PPARGC1A: variants seen among roughly 807,000 people sequenced by gnomAD.
PPARGC1A encodes the protein PPARG coactivator 1 alpha, also known as peroxisome proliferator-activated receptor gamma coactivator 1-alpha.
Under a neutral mutation model 88.7 loss-of-function variants are expected in PPARGC1A, and 25 were observed. The ratio of observed to expected loss-of-function variants is 0.28; its 90% CI spans 0.21 to 0.39. The LOEUF (loss-of-function observed/expected upper bound fraction) is 0.39. Among genes scored for constraint, PPARGC1A ranks in the 10% least tolerant of loss-of-function variants. The pLI is 1.00. For synonymous variants in PPARGC1A, 363 were observed against 355.6 expected (o/e 1.02, Z -0.24); for missense variants, 880 against 968.7 (o/e 0.91, Z 1.22).
chr4:24,152,588 A>G, the PPARGC1A span, among the ~76,000 whole-genome samples: 2 of 152,216 alleles, frequency 1.3e-5, no homozygotes, highest in Non-Finnish European at 2.9e-5. Flanking sequence ...AGCCTTTGTA[A>G]AATATTTGAA....
the PPARGC1A span, among the ~76,000 whole-genome samples, chr4:24,431,269 T>C: frequency 1.4e-4 from 22 of 152,088 alleles, 1 homozygote; most frequent in East Asian, 3.5e-3. Flanking sequence ...GATGGAAAGA[T>C]TGATGGGATG....
At chr4:24,208,407 G>A in the PPARGC1A span, among the ~76,000 whole-genome samples, 2 of 152,160 alleles carry the variant, frequency 1.3e-5, no homozygotes, top group East Asian at 3.9e-4. Context: ...TCATTGCCCT[G>A]GCTGCATGGG....
chr4:24,467,550 GA>G, the PPARGC1A span, among the ~76,000 whole-genome samples: 182 of 144,500 alleles, frequency 1.3e-3, no homozygotes, highest in Non-Finnish European at 2.2e-3. Context: ...CAGAAAGAAA[GA>G]AAAAAAAACA....
At chr4:23,930,428 C>T in the PPARGC1A span, among the ~76,000 whole-genome samples, 2 of 152,152 alleles carry the variant, frequency 1.3e-5, no homozygotes, top group South Asian at 4.1e-4. Flanking sequence ...CGCTGAAGGA[C>T]TATTTCTCCA....
chr4:24,123,909 G>GAAAAA, the PPARGC1A span, among the ~76,000 whole-genome samples: 2 of 61,654 alleles, frequency 3.2e-5, no homozygotes, highest in Non-Finnish European at 6.8e-5. Flanking sequence ...ATCTAAGTTG[G>GAAAAA]CAAAAAAAAA....
chr4:24,078,807 T>A, the PPARGC1A span, among the ~76,000 whole-genome samples: 1 of 152,134 alleles, frequency 6.6e-6, no homozygotes, highest in Non-Finnish European at 1.5e-5. Context: ...CGATGCCATC[T>A]CCTCTTTCAT....
At chr4:23,951,920 A>G in the PPARGC1A span, among the ~76,000 whole-genome samples, 1 of 152,142 alleles carries the variant, frequency 6.6e-6, no homozygotes, top group Non-Finnish European at 1.5e-5. Context: ...GATGAAAGGT[A>G]GTTGTTCATC....
At chr4:24,250,787 TAC>T in the PPARGC1A span, among the ~76,000 whole-genome samples, 1 of 152,242 alleles carries the variant, frequency 6.6e-6, no homozygotes, top group African/African-American at 2.4e-5. Context: ...CTCATCAAGC[TAC>T]AGTCTTTCCT....
chr4:24,399,234 G>A, the PPARGC1A span, among the ~76,000 whole-genome samples: 1 of 152,136 alleles, frequency 6.6e-6, no homozygotes, highest in Non-Finnish European at 1.5e-5. Context: ...CAGATGTCAT[G>A]AAAATATGTT....
At chr4:23,875,321 C>CT (rs1398457609) in intron 2 of PPARGC1A, among the ~76,000 whole-genome samples, 1 of 152,024 alleles carries the variant, frequency 6.6e-6, no homozygotes, top group Non-Finnish European at 1.5e-5. Flanking sequence ...ATCCCTAGCT[C>CT]TTTTTTTGAG....
At chr4:24,470,097 G>A in the PPARGC1A span, among the ~76,000 whole-genome samples, 3 of 152,032 alleles carry the variant, frequency 2.0e-5, no homozygotes, top group Non-Finnish European at 2.9e-5. This position sits in a 1 kb window ranked among gnomAD's most constrained non-coding sequence, Gnocchi z 5.8. Flanking sequence ...GGTGCAGGTC[G>A]GAGGCACGCG....
At chr4:24,240,244 A>G in the PPARGC1A span, among the ~76,000 whole-genome samples, 1 of 152,236 alleles carries the variant, frequency 6.6e-6, no homozygotes, top group Non-Finnish European at 1.5e-5. Context: ...AATCAGAGGC[A>G]TAGAGACACA....
the PPARGC1A span, among the ~76,000 whole-genome samples, chr4:23,987,356 A>T: frequency 6.6e-6 from 1 of 151,964 alleles, no homozygotes; most frequent in African/African-American, 2.4e-5. Flanking sequence ...CATATTGTAA[A>T]TCACATTAAC....
the PPARGC1A span, among the ~76,000 whole-genome samples, chr4:24,118,308 C>T: frequency 6.6e-6 from 1 of 152,078 alleles, no homozygotes. Flanking sequence ...AGAACAGCTG[C>T]GTTACCCACC....
the PPARGC1A span, among the ~76,000 whole-genome samples, chr4:23,988,300 C>T: frequency 4.0e-5 from 6 of 151,896 alleles, no homozygotes; most frequent in Admixed American, 3.9e-4. Flanking sequence ...GGGTATATGC[C>T]CAGTAATAGG....
At chr4:24,035,188 C>T in the PPARGC1A span, among the ~76,000 whole-genome samples, 6 of 152,092 alleles carry the variant, frequency 3.9e-5, no homozygotes, top group African/African-American at 1.4e-4. Context: ...TGTTTATAGC[C>T]CATAAATTAA....
chr4:24,471,715 C>T, the PPARGC1A span, among the ~76,000 whole-genome samples: 1 of 152,140 alleles, frequency 6.6e-6, no homozygotes, highest in African/African-American at 2.4e-5. The surrounding 1 kb of genome is among the most constrained non-coding windows in gnomAD (Gnocchi z 5.4). Context: ...GTCTAGGGCA[C>T]GATGCAGCCG....
At chr4:23,829,617 A>C in intron 3 of PPARGC1A, 32 bp from the exon 4 acceptor site, 1 of 1,599,196 alleles carries the variant, frequency 6.3e-7, no homozygotes, top group Non-Finnish European at 8.5e-7. Context: ...GGGAAAAGCA[A>C]GTAAAGTTAT....
rs535911529 is a variant in PPARGC1A at position 23,844,452 on chromosome 4, ATATT to A, written c.235-12705_235-12702del. On this transcript the variant is annotated intron_variant, in intron 2 of 12. Transcript: ENST00000264867. ...ATATATATTATATATAATATAGAATATATTTATTATATATTCTATATTAATATAT... is the reference window on the plus strand; with the variant it reads ...ATATATATTATATATAATATAGAATATATTATATATTCTATATTAATATAT... Among the ~76,000 whole-genome samples the A allele has an allele frequency of 6.0e-4, 68 of 113,136 alleles. No individual in the cohort carries two copies. The South Asian group carries it at 0.017, about 29-fold the overall frequency. The allele number at this position is 113,136 out of a possible 152,430, so 74.2% of individuals were successfully genotyped here. A position where few individuals can be genotyped will look rare whatever the true frequency, so the allele number is the denominator to read the frequency against.
Sources: allele counts gnomAD v4.1 joint callset (sites outside exome capture counted in the v4.1 genomes callset), GRCh38; gene constraint gnomAD v4.1.1; non-coding constraint Gnocchi (gnomAD v3.1); transcripts MANE v1.5; gene names NCBI Gene and HGNC (gene_info 2026-07-23, HGNC 2026-07-21).